Variants in ADGB observed in about 807,000 individuals in gnomAD.
ADGB encodes the protein calpain-7-like protein.
In ADGB, 172 loss-of-function variants were observed where a neutral mutation model predicts 210.5. That is an observed-to-expected ratio of 0.82 (90% confidence interval 0.72 to 0.93). ADGB has a LOEUF of 0.93. Among genes scored for constraint, ADGB ranks in the 40% least tolerant of loss-of-function variants. The probability of loss-of-function intolerance (pLI) is 0.00; values close to 1 mark genes in which losing one functional copy is unlikely to be tolerated. For missense variants in ADGB, 2,025 were observed against 1,964.8 expected (o/e 1.03, Z -0.58); for synonymous variants, 658 against 662.7 (o/e 0.99, Z 0.11).
intron 27 of ADGB, among the ~76,000 whole-genome samples, chr6:146,761,741 G>C (rs992587093): frequency 2.0e-5 from 3 of 151,956 alleles, no homozygotes; most frequent in African/African-American, 7.2e-5. Flanking sequence ...TCATTCTCCA[G>C]GACTGCTACG....
intron 33 of ADGB, among the ~76,000 whole-genome samples, chr6:146,799,049 A>G (rs1778084595): frequency 9.3e-6 from 1 of 108,022 alleles, no homozygotes; most frequent in African/African-American, 3.8e-5. Context: ...CAAAACTTAT[A>G]TGGAAATGCA....
chr6:146,663,509 T>C (rs927764855), intron 5 of ADGB, among the ~76,000 whole-genome samples: 1 of 151,948 alleles, frequency 6.6e-6, no homozygotes, highest in Admixed American at 6.6e-5. Flanking sequence ...TTACCCTCCT[T>C]TTTACCTAAT....
intron 1 of ADGB, among the ~76,000 whole-genome samples, chr6:146,627,261 CAATT>C (rs555068533): frequency 6.2e-4 from 95 of 152,164 alleles, no homozygotes; most frequent in African/African-American, 2.3e-3. Context: ...TTAAGTCAAT[CAATT>C]GTTTCTGTTG....
At chr6:146,805,104 A>T (rs1286058186) in intron 35 of ADGB, among the ~76,000 whole-genome samples, 1 of 152,218 alleles carries the variant, frequency 6.6e-6, no homozygotes, top group Admixed American at 6.5e-5. Context: ...CTTCTTATCA[A>T]GATCCCCTGG....
At chr6:146,651,700 T>C (rs1775704761) in intron 3 of ADGB, among the ~76,000 whole-genome samples, 1 of 152,186 alleles carries the variant, frequency 6.6e-6, no homozygotes, top group South Asian at 2.1e-4. Context: ...AGGAGAATTC[T>C]GCAGCTGGGT....
intron 27 of ADGB, among the ~76,000 whole-genome samples, chr6:146,759,882 A>G (rs532827822): frequency 6.6e-6 from 1 of 151,818 alleles, no homozygotes; most frequent in South Asian, 2.1e-4. Context: ...ACAAATTTTT[A>G]TGTGTTATAT....
intron 7 of ADGB, among the ~76,000 whole-genome samples, chr6:146,671,837 C>G (rs899144047): frequency 1.3e-5 from 2 of 152,146 alleles, no homozygotes; most frequent in Non-Finnish European, 2.9e-5. Flanking sequence ...TCACATTCCA[C>G]AGAGAAGCCT....
At chr6:146,754,463 A>G (rs536328142) in intron 27 of ADGB, among the ~76,000 whole-genome samples, 1 of 151,930 alleles carries the variant, frequency 6.6e-6, no homozygotes, top group Non-Finnish European at 1.5e-5. Context: ...TGCCAGTTGC[A>G]ATTTTATTTC....
In ADGB at chr6:146,622,561, A is replaced by T. The variant is rs551853317; in HGVS notation, c.75-12814A>T. Among the ~76,000 whole-genome samples, 31 of 152,158 alleles carry T rather than the reference A, an allele frequency of 2.0e-4. 1 individual carries two copies. The highest frequency in any genetic ancestry group is 7.0e-4 in the African/African-American group (29 of 41,530). On this transcript the variant is annotated intron_variant, in intron 1 of 35. Transcript: ENST00000397944. ...TCTACATGCCACACAACTCACATGT[A>T]CTCTTATGTTAGAGTATTTGATCAA...
At chr6:146,738,528 C>T (rs1309496242) in intron 23 of ADGB, among the ~76,000 whole-genome samples, 7 of 145,220 alleles carry the variant, frequency 4.8e-5, no homozygotes, top group African/African-American at 1.5e-4. Context: ...GGGCTCACTG[C>T]GAGCTCCACC....
chr6:146,680,089 A>G (rs1390040067), intron 9 of ADGB, among the ~76,000 whole-genome samples: 1 of 152,166 alleles, frequency 6.6e-6, no homozygotes, highest in Non-Finnish European at 1.5e-5. Flanking sequence ...CTAGCTTTTC[A>G]CAATTTCCTC....
At chr6:146,675,077 C>T (rs6910535) in intron 8 of ADGB, among the ~76,000 whole-genome samples, 2,084 of 152,030 alleles carry the variant, frequency 0.014, 53 homozygotes, top group African/African-American at 0.047. Flanking sequence ...ACAGAAACTT[C>T]TTGGTTAAAT....
At chr6:146,746,202 T>A (rs1583619279) in intron 26 of ADGB, 93 bp downstream of exon 26, 2 of 935,426 alleles carry the variant, frequency 2.1e-6, no homozygotes, top group Non-Finnish European at 3.1e-6. Flanking sequence ...CCTGAGTCGG[T>A]TTTGAATTTC....
chr6:146,708,907 T>C (rs1189356194), intron 13 of ADGB, among the ~76,000 whole-genome samples: 1 of 152,158 alleles, frequency 6.6e-6, no homozygotes, highest in Non-Finnish European at 1.5e-5. Flanking sequence ...TTTTCTTTTT[T>C]CCACTTTGAG....
chr6:146,746,131 G>A, intron 26 of ADGB, 22 bp downstream of exon 26: 1 of 1,428,126 alleles, frequency 7.0e-7, no homozygotes, highest in Non-Finnish European at 9.4e-7. Flanking sequence ...TGACAGAAGG[G>A]GAAAGGCATT....
intron 19 of ADGB, among the ~76,000 whole-genome samples, chr6:146,727,311 C>G (rs1253599455): frequency 6.6e-6 from 1 of 152,120 alleles, no homozygotes; most frequent in South Asian, 2.1e-4. Context: ...TGAGCAGTGG[C>G]TGTGCAAGAG....
At chr6:146,736,646 C>T in intron 23 of ADGB, 55 bp downstream of exon 23, 2 of 1,217,772 alleles carry the variant, frequency 1.6e-6, no homozygotes, top group East Asian at 5.2e-5. Flanking sequence ...TGTCAAAGTC[C>T]AGTTTGAATA....
Position 146,728,793 on chromosome 6 carries a change from T to G in ADGB, c.2520+52T>G, listed in dbSNP as rs946429519. 12 of 1,412,948 alleles carry G rather than the reference T, an allele frequency of 8.5e-6. No individual in the cohort carries two copies. In the South Asian group the frequency reaches 1.1e-4, roughly 13 times the overall value. The allele number at this position is 1,412,948 out of a possible 1,614,324, so 87.5% of individuals were successfully genotyped here. On this transcript the variant is annotated intron_variant, in intron 20 of 35. Transcript: ENST00000397944. ...AGAAGAGGAAACTTTCTTTTCAAAATGGTATATCTTCCATTAGGTGACCTC... is the reference window on the plus strand; with the variant it reads ...AGAAGAGGAAACTTTCTTTTCAAAAGGGTATATCTTCCATTAGGTGACCTC...
At chr6:146,661,418 A>G (rs1583579167) in intron 5 of ADGB, among the ~76,000 whole-genome samples, 1 of 151,732 alleles carries the variant, frequency 6.6e-6, no homozygotes, top group Non-Finnish European at 1.5e-5. Flanking sequence ...GGGTCTCACT[A>G]TGTTGTGCAG....
Sources: allele counts gnomAD v4.1 joint callset (sites outside exome capture counted in the v4.1 genomes callset), GRCh38; gene constraint gnomAD v4.1.1; transcripts MANE v1.5; gene names NCBI Gene and HGNC (gene_info 2026-07-23, HGNC 2026-07-21).